RNF125: variants seen among roughly 807,000 people sequenced by gnomAD.
RNF125 encodes the protein ring finger protein 125.
Under a neutral mutation model 26.0 loss-of-function variants are expected in RNF125, and 21 were observed. The ratio of observed to expected loss-of-function variants is 0.81; its 90% CI spans 0.57 to 1.16. The LOEUF (loss-of-function observed/expected upper bound fraction) is 1.16. Among genes scored for constraint, RNF125 ranks in the 50% most tolerant of loss-of-function variants. RNF125 has a pLI of 0.00. For synonymous variants in RNF125, 95 were observed against 109.2 expected (o/e 0.87, Z 0.81); for missense variants, 270 against 299.4 (o/e 0.90, Z 0.72).
At chr18:32,078,212 C>T (rs558971725), downstream of RNF125, among the ~76,000 whole-genome samples, 3 of 152,334 alleles carry the variant, frequency 2.0e-5, no homozygotes, top group East Asian at 5.8e-4. Context: ...TTACACATTT[C>T]AAAGCAAGTT....
intron 2 of RNF125, among the ~76,000 whole-genome samples, chr18:32,037,487 C>T (rs543766342): frequency 2.6e-5 from 4 of 151,016 alleles, no homozygotes; most frequent in Admixed American, 1.3e-4. Context: ...TTCTCCTGCC[C>T]GCAGCTTCTC....
At chr18:32,063,176 T>A (rs1048791635) in intron 4 of RNF125, among the ~76,000 whole-genome samples, 1 of 142,066 alleles carries the variant, frequency 7.0e-6, no homozygotes, top group African/African-American at 2.7e-5. Context: ...GCCAAGACCA[T>A]GCCATTGCAC....
At position 32,028,915 on chromosome 18, in the gene RNF125, G is replaced by A. The variant is rs151166051; in HGVS notation, c.165-8201G>A. The stretch of plus-strand genomic sequence containing the variant: ...TCTCTGTTTCTTCATTTGTAAAATG[G>A]GGTGAGTAGTGCCATTTTTATGAAT... On this transcript the variant is annotated intron_variant, in intron 1 of 5. Transcript: ENST00000217740. Among the ~76,000 whole-genome samples the A allele has an allele frequency of 2.0e-5, 3 of 152,122 alleles. No homozygotes were observed. The East Asian group carries it at 5.8e-4, about 29-fold the overall frequency.
intron 1 of RNF125, among the ~76,000 whole-genome samples, chr18:32,022,422 T>C (rs1046809555): frequency 1.3e-5 from 2 of 152,182 alleles, no homozygotes; most frequent in African/African-American, 4.8e-5. Flanking sequence ...TTTTGATCAT[T>C]TGAGTCTATG....
intron 1 of RNF125, among the ~76,000 whole-genome samples, chr18:32,028,544 G>T (rs1028062103): frequency 8.7e-5 from 13 of 150,084 alleles, no homozygotes; most frequent in African/African-American, 2.2e-4. Flanking sequence ...CCATCTCGAA[G>T]TATGTCAAAT....
downstream of RNF125, chr18:32,076,181 G>T: frequency 1.9e-6 from 1 of 528,716 alleles, no homozygotes; most frequent in Non-Finnish European, 3.5e-6. Context: ...GATGACTTTG[G>T]AGCATGGCCC....
downstream of RNF125, among the ~76,000 whole-genome samples, chr18:32,073,784 C>T (rs184350796): frequency 1.8e-3 from 277 of 152,268 alleles, 1 homozygote; most frequent in Non-Finnish European, 3.0e-3. Flanking sequence ...TGCTGAGTGA[C>T]GTTCTAGATG....
intron 1 of RNF125, among the ~76,000 whole-genome samples, chr18:32,030,515 G>C (rs1489629541): frequency 6.6e-6 from 1 of 152,158 alleles, no homozygotes; most frequent in Non-Finnish European, 1.5e-5. Flanking sequence ...GTTTTAAATT[G>C]ATCCAGAAAT....
At chr18:32,052,082 T>C (rs1018166521) in intron 4 of RNF125, among the ~76,000 whole-genome samples, 7 of 152,194 alleles carry the variant, frequency 4.6e-5, no homozygotes, top group African/African-American at 1.7e-4. Context: ...GATTACATCC[T>C]GGGCTACCCC....
chr18:32,074,727 G>C (rs1347598923), downstream of RNF125, among the ~76,000 whole-genome samples: 3 of 152,070 alleles, frequency 2.0e-5, no homozygotes, highest in Non-Finnish European at 4.4e-5. Flanking sequence ...ATTTTTAGTA[G>C]AGACGGAGTT....
intron 2 of RNF125, among the ~76,000 whole-genome samples, chr18:32,038,040 G>A (rs1221484117): frequency 7.5e-6 from 1 of 134,116 alleles, no homozygotes; most frequent in African/African-American, 2.8e-5. Context: ...TTGGGTCCGT[G>A]CCATTTTTTT....
chr18:32,049,975 C>T (rs889282493), intron 4 of RNF125, among the ~76,000 whole-genome samples: 1 of 152,014 alleles, frequency 6.6e-6, no homozygotes, highest in South Asian at 2.1e-4. Context: ...AGGGCTGGGT[C>T]CAATGCTGAT....
At chr18:32,067,646 A>G (rs1232198502) in intron 5 of RNF125, among the ~76,000 whole-genome samples, 2 of 152,220 alleles carry the variant, frequency 1.3e-5, no homozygotes, top group African/African-American at 4.8e-5. Context: ...CAGTATCAAG[A>G]CCAAACCTTG....
chr18:32,078,020 G>A (rs1216579776), downstream of RNF125, among the ~76,000 whole-genome samples: 13 of 150,782 alleles, frequency 8.6e-5, no homozygotes, highest in Admixed American at 8.6e-4. Context: ...AAACTCCTGG[G>A]CTCAAGTGAC....
intron 2 of RNF125, among the ~76,000 whole-genome samples, chr18:32,038,670 G>C (rs2039185644): frequency 6.6e-6 from 1 of 152,216 alleles, no homozygotes; most frequent in South Asian, 2.1e-4. Context: ...GTGAGGTCTT[G>C]AAGGTTATGT....
intron 3 of RNF125, among the ~76,000 whole-genome samples, chr18:32,042,775 G>C (rs1041372828): frequency 1.3e-5 from 2 of 149,964 alleles, no homozygotes; most frequent in Non-Finnish European, 3.0e-5. Context: ...GGGTAATCTC[G>C]TATGGGGGTA....
rs938730046 is a variant in RNF125, at chr18:32,072,491, A to C, written c.*4107A>C. Reference sequence around the variant, plus strand: ...CATCTGTCACTATTAACCTCAGTGCAGCAATTCTGACTCCTGTGCCTGGAT... The same window carrying C: ...CATCTGTCACTATTAACCTCAGTGCCGCAATTCTGACTCCTGTGCCTGGAT... On this transcript the variant is annotated 3_prime_UTR_variant, in exon 6 of 6. Transcript: ENST00000217740. 3.3e-5 allele frequency: 5 copies of C among 152,192 alleles called. No homozygotes were observed. Among genetic ancestry groups the C allele is most frequent in the Non-Finnish European group, 7.3e-5 (5 of 68,038 alleles). The allele number at this position is 152,192 out of a possible 1,614,324, so 9.4% of individuals were successfully genotyped here.
the RNF125 span, among the ~76,000 whole-genome samples, chr18:32,090,007 A>G: frequency 1.8e-4 from 27 of 152,346 alleles, no homozygotes; most frequent in South Asian, 1.7e-3. Context: ...GCACTTTGGG[A>G]GGCCAAGGTG....
intron 1 of RNF125, among the ~76,000 whole-genome samples, chr18:32,029,150 G>A (rs2039068321): frequency 6.6e-6 from 1 of 151,990 alleles, no homozygotes; most frequent in African/African-American, 2.4e-5. Flanking sequence ...TTCCTTTGGT[G>A]GACTTTAATT....
Sources: gnomAD v4.1 joint callset for allele counts (sites outside exome capture counted in the v4.1 genomes callset) on GRCh38, gnomAD v4.1.1 for gene constraint, MANE v1.5 for transcripts, NCBI Gene and HGNC (gene_info 2026-07-23, HGNC 2026-07-21) for gene names.